ZNF718: variants seen among roughly 807,000 people sequenced by gnomAD.
ZNF718 encodes the protein zinc finger protein 718.
Under a neutral mutation model 2.6 loss-of-function variants are expected in ZNF718, and 3 were observed. The observed-to-expected ratio is 1.16, with a 90% CI of 0.53 to 3.01. ZNF718 has a LOEUF of 3.01. Among genes scored for constraint, ZNF718 ranks in the 30% most tolerant of loss-of-function variants. The pLI, the probability that ZNF718 is intolerant of heterozygous loss-of-function variation, is 0.03. For synonymous variants in ZNF718, 135 were observed against 77.9 expected, an observed-to-expected ratio of 1.73 and a Z score of -3.86; for missense variants, 468 against 230.0, an observed-to-expected ratio of 2.03 and a Z score of -6.69.
rs1051403404 is a variant in ZNF718 at position 163,709 on chromosome 4, C to T, written c.*1587C>T. The T allele has an allele frequency of 1.6e-4, 24 of 152,106 alleles. No homozygotes were observed. The highest frequency in any genetic ancestry group is 5.5e-4 in the African/African-American group (23 of 41,500). The allele number at this position is 152,106 out of a possible 1,614,324, so 9.4% of individuals were successfully genotyped here. The stretch of plus-strand genomic sequence containing the variant: ...TTCTCTTTTAAGATTGTGTGTGAAC[C>T]TTACTCAAGGGTGTAGGTAAAAAAT... On this transcript the variant is annotated 3_prime_UTR_variant, in exon 4 of 4. Transcript: ENST00000510175.
At chr4:195,479 A>G (rs1717773002) in intron 3 of ZNF718, among the ~76,000 whole-genome samples, 1 of 152,144 alleles carries the variant, frequency 6.6e-6, no homozygotes, top group Admixed American at 6.5e-5. Flanking sequence ...CCCTGTTAGG[A>G]AATCTGCTGG....
At position 162,132 on chromosome 4, in the gene ZNF718, G is replaced by C. The variant is rs782390898; in HGVS notation, c.*10G>C. 1.1e-5 allele frequency: 8 copies of C among 712,730 alleles called. No homozygotes were observed. The highest frequency in any genetic ancestry group is 1.8e-5 in the Non-Finnish European group (7 of 387,750). 44.2% of individuals were successfully genotyped at this position (712,730 alleles called of 1,614,324 possible). ...TGGAGGAAAATTTTAGAAATGTGAAGAATGTGGGAGCCTTTAAGTCTTCCT... is the reference window on the plus strand; with the variant it reads ...TGGAGGAAAATTTTAGAAATGTGAACAATGTGGGAGCCTTTAAGTCTTCCT... On this transcript the variant is annotated 3_prime_UTR_variant, in exon 4 of 4. Coordinates refer to ENST00000510175, the MANE Select transcript of ZNF718 (RefSeq NM_001039127.6).
intron 3 of ZNF718, among the ~76,000 whole-genome samples, chr4:194,283 C>G (rs1184456639): frequency 6.6e-6 from 1 of 152,198 alleles, no homozygotes; most frequent in Non-Finnish European, 1.5e-5. Flanking sequence ...CAATGCCTCC[C>G]TTAGTCTCTC....
chr4:166,542 C>A (rs1427613212), downstream of ZNF718, among the ~76,000 whole-genome samples: 4 of 152,204 alleles, frequency 2.6e-5, no homozygotes, highest in African/African-American at 9.7e-5. Context: ...GATCGCCATT[C>A]TAACTGGTGT....
chr4:127,113 C>T (rs1170049538), intron 1 of ZNF718, among the ~76,000 whole-genome samples: 1 of 137,482 alleles, frequency 7.3e-6, no homozygotes. Flanking sequence ...CGTGAGCCAC[C>T]GTGCCTGGCT....
At chr4:188,655 C>T (rs569355157) in intron 3 of ZNF718, among the ~76,000 whole-genome samples, 1 of 152,328 alleles carries the variant, frequency 6.6e-6, no homozygotes, top group South Asian at 2.1e-4. Context: ...AGCTGCTCTA[C>T]TGAGACTCCA....
intron 3 of ZNF718, among the ~76,000 whole-genome samples, chr4:193,277 G>A (rs1176383979): frequency 1.3e-5 from 2 of 151,930 alleles, no homozygotes; most frequent in Admixed American, 6.6e-5. Flanking sequence ...GGTGACCCCG[G>A]CAGTGTTAGA....
chr4:174,442 G>A (rs551496222), intron 3 of ZNF718, among the ~76,000 whole-genome samples: 51 of 152,318 alleles, frequency 3.3e-4, no homozygotes, highest in African/African-American at 1.2e-3. Context: ...CCAACAGGAA[G>A]TAATAAGGGC....
intron 3 of ZNF718, among the ~76,000 whole-genome samples, chr4:140,290 G>T (rs1478185253): frequency 6.6e-6 from 1 of 152,168 alleles, no homozygotes; most frequent in Admixed American, 6.5e-5. Context: ...AGGATACTCT[G>T]TGGGTCCTGC....
intron 3 of ZNF718, among the ~76,000 whole-genome samples, chr4:197,903 G>A (rs546577137): frequency 6.6e-6 from 1 of 152,314 alleles, no homozygotes; most frequent in Non-Finnish European, 1.5e-5. Flanking sequence ...GTGGATGAAA[G>A]TATGGATGGA....
intron 3 of ZNF718, among the ~76,000 whole-genome samples, chr4:190,101 C>T (rs2108816044): frequency 6.6e-6 from 1 of 152,122 alleles, no homozygotes. Context: ...CTTTTAGTAT[C>T]ACAGTACTCC....
At chr4:200,757 G>A (rs1365986116) in intron 3 of ZNF718, among the ~76,000 whole-genome samples, 1 of 152,032 alleles carries the variant, frequency 6.6e-6, no homozygotes, top group Non-Finnish European at 1.5e-5. Context: ...TTTTCATCAA[G>A]AGCAGCTGTA....
intron 3 of ZNF718, among the ~76,000 whole-genome samples, chr4:151,031 C>T (rs1716294364): frequency 6.6e-6 from 1 of 152,102 alleles, no homozygotes; most frequent in Admixed American, 6.5e-5. Context: ...TACTAACTTA[C>T]AATTTTACAA....
chr4:167,344 G>A (rs1717113658), downstream of ZNF718, among the ~76,000 whole-genome samples: 1 of 152,042 alleles, frequency 6.6e-6, no homozygotes, highest in South Asian at 2.1e-4. Flanking sequence ...CTCTTTTTTG[G>A]TTCCATATGA....
chr4:142,487 T>C (rs2108788097), intron 3 of ZNF718, among the ~76,000 whole-genome samples: 1 of 152,318 alleles, frequency 6.6e-6, no homozygotes, highest in East Asian at 1.9e-4. Flanking sequence ...GGTTCACTCC[T>C]GTTAACCCAC....
At chr4:194,628 A>G (rs1184352289) in intron 3 of ZNF718, among the ~76,000 whole-genome samples, 2 of 152,206 alleles carry the variant, frequency 1.3e-5, no homozygotes, top group Non-Finnish European at 2.9e-5. Context: ...ATATCTCTCC[A>G]TGTCAGATCA....
At position 136,178 on chromosome 4, in the gene ZNF718, G is replaced by A. The variant is rs143853060; in HGVS notation, c.226+4673G>A. On this transcript the variant is annotated intron_variant, in intron 3 of 3. Transcript: ENST00000510175. ...AGGCAGGGTTTTGAAGTTTGTCTGC[G>A]TATGATAGGCCAAGTACCAGGTGTA... 7.6e-3 allele frequency among the ~76,000 whole-genome samples: 1,158 copies of A among 152,204 alleles called. 13 individuals are homozygous for A. Among genetic ancestry groups the A allele is most frequent in the Middle Eastern group, 0.061 (18 of 294 alleles).
At chr4:187,920 G>T (rs1717600771) in intron 3 of ZNF718, among the ~76,000 whole-genome samples, 1 of 152,216 alleles carries the variant, frequency 6.6e-6, no homozygotes, top group Admixed American at 6.5e-5. Flanking sequence ...TTAGAACTCT[G>T]TTGGCCTTAG....
rs1250523894 is a variant in ZNF718 at position 130,170 on chromosome 4, T to C, written c.4-618T>C. Among the ~76,000 whole-genome samples the C allele has an allele frequency of 1.2e-4, 12 of 103,694 alleles. 5 individuals carry two copies. Among genetic ancestry groups the C allele is most frequent in the African/African-American group, 4.0e-4 (12 of 29,848 alleles). The allele number at this position is 103,694 out of a possible 152,430, so 68.0% of individuals were successfully genotyped here. A position where few individuals can be genotyped will look rare whatever the true frequency, so the allele number is the denominator to read the frequency against. The stretch of plus-strand genomic sequence containing the variant: ...GTGACTGCTTTTTCTAGCTGAGTGG[T>C]ATAATGGGTCTAGGGGGAGGAGTGT... On this transcript the variant is annotated intron_variant, in intron 1 of 3. Coordinates refer to ENST00000510175, the MANE Select transcript of ZNF718 (RefSeq NM_001039127.6).
Sources: allele counts gnomAD v4.1 joint callset (sites outside exome capture counted in the v4.1 genomes callset), GRCh38; gene constraint gnomAD v4.1.1; transcripts MANE v1.5; gene names NCBI Gene and HGNC (gene_info 2026-07-23, HGNC 2026-07-21).